GFRA2: variants seen among roughly 807,000 people sequenced by gnomAD.
GFRA2 encodes the protein GDNF family receptor alpha 2, also known as GDNF family receptor alpha-2.
GFRA2 carries 17 observed loss-of-function variants against 48.3 expected under a neutral mutation model. That is an observed-to-expected ratio of 0.35 (90% CI 0.24 to 0.53). GFRA2 has a LOEUF of 0.53. Among genes scored for constraint, GFRA2 ranks in the 20% least tolerant of loss-of-function variants. The pLI is 0.93. For synonymous variants in GFRA2, 305 were observed against 257.2 expected (o/e 1.19, Z -1.78); for missense variants, 660 against 637.3 (o/e 1.04, Z -0.38).
chr8:21,794,517 C>T (rs1480052800), intron 2 of GFRA2, among the ~76,000 whole-genome samples: 1 of 152,198 alleles, frequency 6.6e-6, no homozygotes, highest in Non-Finnish European at 1.5e-5. Flanking sequence ...TCCCAAAGTG[C>T]TGGGATTACA....
chr8:21,734,230 G>T (rs558607052), intron 4 of GFRA2, among the ~76,000 whole-genome samples: 6 of 152,360 alleles, frequency 3.9e-5, no homozygotes, highest in African/African-American at 1.4e-4. Context: ...TTTCCCTTTT[G>T]CCAAGATTGG....
intron 4 of GFRA2, among the ~76,000 whole-genome samples, chr8:21,742,271 G>A (rs561813779): frequency 1.3e-5 from 2 of 152,218 alleles, no homozygotes; most frequent in African/African-American, 4.8e-5. Flanking sequence ...ATGGCGGTGG[G>A]GCCCTCATGA....
At chr8:21,774,683 C>A (rs1307278578) in intron 3 of GFRA2, among the ~76,000 whole-genome samples, 3 of 152,168 alleles carry the variant, frequency 2.0e-5, no homozygotes, top group Non-Finnish European at 4.4e-5. Flanking sequence ...AAAGAGGGAA[C>A]AAGGGTAAGA....
At chr8:21,790,524 G>T (rs1807545165), upstream of GFRA2, among the ~76,000 whole-genome samples, 2 of 152,230 alleles carry the variant, frequency 1.3e-5, no homozygotes, top group African/African-American at 4.8e-5. Flanking sequence ...CCATCTTGAG[G>T]ATTTAGGCGG....
At chr8:21,727,468 T>C (rs997733112) in intron 4 of GFRA2, among the ~76,000 whole-genome samples, 8 of 152,236 alleles carry the variant, frequency 5.3e-5, no homozygotes, top group African/African-American at 1.4e-4. Flanking sequence ...CTCCAAGCGC[T>C]CTGCCAGGGC....
At chr8:21,697,553 G>C (rs943691738) in intron 7 of GFRA2, among the ~76,000 whole-genome samples, 3 of 152,096 alleles carry the variant, frequency 2.0e-5, no homozygotes, top group Non-Finnish European at 2.9e-5. Flanking sequence ...GAGAGAAAGA[G>C]AGACCACCTC....
intron 1 of GFRA2, among the ~76,000 whole-genome samples, chr8:21,786,792 G>A (rs1807292442): frequency 6.6e-6 from 1 of 152,122 alleles, no homozygotes; most frequent in Non-Finnish European, 1.5e-5. Flanking sequence ...CTAGTCTGGC[G>A]AGCACTTCTT....
Position 21,784,956 on chromosome 8 carries a change from G to A in GFRA2, c.41-2057C>T, listed in dbSNP as rs796425217. Among the ~76,000 whole-genome samples the A allele has an allele frequency of 4.1e-3, 617 of 152,156 alleles. 1 individual carries two copies. The highest frequency in any genetic ancestry group is 0.014 in the African/African-American group (576 of 41,496). The stretch of plus-strand genomic sequence containing the variant: ...TTGACACGGCCCCGCCTGTACCTGC[G>A]GCCCCCAGCCAGCCCGTGGGAGCCT... On this transcript the variant is annotated intron_variant, in intron 1 of 8. Transcript: ENST00000524240.
intron 1 of GFRA2, among the ~76,000 whole-genome samples, chr8:21,785,229 C>T (rs1306695364): frequency 3.9e-5 from 6 of 152,220 alleles, no homozygotes; most frequent in African/African-American, 1.4e-4. Context: ...CCTAGAGCCC[C>T]ACAGGATGAT....
chr8:21,715,587 A>G (rs998728810), intron 4 of GFRA2, among the ~76,000 whole-genome samples: 7 of 151,980 alleles, frequency 4.6e-5, no homozygotes, highest in Non-Finnish European at 1.0e-4. Flanking sequence ...TGGTTCTATT[A>G]AAGGCTGTAT....
chr8:21,786,945 G>C (rs1044116156), intron 1 of GFRA2, among the ~76,000 whole-genome samples: 2 of 152,078 alleles, frequency 1.3e-5, no homozygotes, highest in African/African-American at 4.8e-5. Flanking sequence ...AGCCAAGGTG[G>C]TAGAACTACA....
chr8:21,694,075 T>TATATA (rs1563209422), intron 8 of GFRA2, among the ~76,000 whole-genome samples: 9 of 49,122 alleles, frequency 1.8e-4, no homozygotes, highest in African/African-American at 6.6e-4. Context: ...ATTTATTTAT[T>TATATA]TTTATATATA....
chr8:21,715,740 C>T (rs1803299995), intron 4 of GFRA2, among the ~76,000 whole-genome samples: 1 of 152,176 alleles, frequency 6.6e-6, no homozygotes, highest in African/African-American at 2.4e-5. Flanking sequence ...CCTAATGGGG[C>T]AGGCAAGGAA....
chr8:21,720,948 A>G (rs1029178263), intron 4 of GFRA2, among the ~76,000 whole-genome samples: 1 of 151,740 alleles, frequency 6.6e-6, no homozygotes, highest in Non-Finnish European at 1.5e-5. Flanking sequence ...CTGACACTCA[A>G]AAGGGACTCA....
intron 4 of GFRA2, among the ~76,000 whole-genome samples, chr8:21,740,528 C>T (rs1427564244): frequency 2.0e-5 from 3 of 152,156 alleles, no homozygotes; most frequent in Admixed American, 6.5e-5. Flanking sequence ...TCCATTCCCT[C>T]TTTTTCAGAA....
intron 3 of GFRA2, among the ~76,000 whole-genome samples, chr8:21,753,088 G>A (rs1166745937): frequency 3.3e-5 from 5 of 152,142 alleles, no homozygotes; most frequent in African/African-American, 9.7e-5. Flanking sequence ...ATTGCTCCTA[G>A]GCTCCAAAGC....
At chr8:21,774,267 GA>G (rs1248431870) in intron 3 of GFRA2, among the ~76,000 whole-genome samples, 1 of 151,548 alleles carries the variant, frequency 6.6e-6, no homozygotes, top group East Asian at 1.9e-4. Context: ...CGAGAAGAAA[GA>G]CCCCCAGAGC....
chr8:21,789,414 G>A (rs937666162), upstream of GFRA2, among the ~76,000 whole-genome samples: 4 of 152,078 alleles, frequency 2.6e-5, no homozygotes, highest in Non-Finnish European at 5.9e-5. Context: ...GAGGCTGGAG[G>A]GCGCGGAGTC....
chr8:21,733,550 C>G (rs772876802), intron 4 of GFRA2, among the ~76,000 whole-genome samples: 6 of 152,184 alleles, frequency 3.9e-5, no homozygotes, highest in Non-Finnish European at 7.3e-5. Context: ...AAAGCCCCAG[C>G]CCTTCCCGCA....
Sources: allele counts gnomAD v4.1 joint callset (sites outside exome capture counted in the v4.1 genomes callset), GRCh38; gene constraint gnomAD v4.1.1; transcripts MANE v1.5; gene names NCBI Gene and HGNC (gene_info 2026-07-23, HGNC 2026-07-21).